Variants in OBSL1 observed in about 807,000 individuals in gnomAD.
The protein encoded by OBSL1 is obscurin like cytoskeletal adaptor 1.
In OBSL1, 160 loss-of-function variants were observed where a neutral mutation model predicts 172.0. That is an observed-to-expected ratio of 0.93 (90% CI 0.82 to 1.06). The LOEUF (loss-of-function observed/expected upper bound fraction) is 1.06. Among genes scored for constraint, OBSL1 ranks in the 50% least tolerant of loss-of-function variants. OBSL1 has a pLI of 0.00. For missense variants in OBSL1, 2,681 were observed against 2,715.4 expected, an observed-to-expected ratio of 0.99 and a Z score of 0.28; for synonymous variants, 1,200 against 1,196.3, an observed-to-expected ratio of 1.00 and a Z score of -0.06.
Position 219,557,600 on chromosome 2 carries a change from A to G in OBSL1, c.3809T>C (p.Val1270Ala). The change falls in exon 12 of 21, where the codon GTA (valine) becomes GCA (alanine). Residue 1270 changes from valine (V) to alanine (A), a missense_variant. Physicochemically the swap from Val to Ala is moderately conservative, Grantham distance 64. Coordinates refer to ENST00000404537, the MANE Select transcript of OBSL1 (RefSeq NM_015311.3). ...CCTCGTCTGGGCTGCCTCGGGAGCT[A>G]CCACCCGCACAGGGGGCTCTGTGGA... ...VQVAEPPVRV[V>A]APEAAQTRVR... The G allele has an allele frequency of 1.3e-6, 2 of 1,543,260 alleles. No individual in the cohort carries two copies. Among genetic ancestry groups the G allele is most frequent in the South Asian group, 1.2e-5 (1 of 83,740 alleles).
At chr2:219,547,976 C>A, downstream of OBSL1, 1 of 1,587,624 alleles carries the variant, frequency 6.3e-7, no homozygotes, top group African/African-American at 1.3e-5. Context: ...TGTGCCCCCA[C>A]TCTGCTGGCG....
chr2:219,553,796 A>T, intron 15 of OBSL1, 110 bp from the exon 16 acceptor site: 2 of 311,530 alleles, frequency 6.4e-6, no homozygotes, highest in Non-Finnish European at 1.2e-5. Flanking sequence ...GACACTAGCG[A>T]GTGGGGTTCG....
rs762334954 is a variant in OBSL1 at position 219,568,063 on chromosome 2, G to GT, written c.1273dup (p.Thr425AsnfsTer40). ...CCCACGGGCCAGCTGACCTTTGACTGTGACGTTGGCCACGGTGCGCACCCG... is the reference window on the plus strand; with the variant it reads ...CCCACGGGCCAGCTGACCTTTGACTGTTGACGTTGGCCACGGTGCGCACCCG... On this transcript the variant is annotated frameshift_variant, in exon 2 of 21. Coordinates refer to ENST00000404537, the MANE Select transcript of OBSL1 (RefSeq NM_015311.3). LOFTEE classifies it high-confidence loss of function. The surrounding 1 kb of genome is among the most constrained non-coding windows in gnomAD (Gnocchi z 4.1). 3.5e-4 allele frequency: 556 copies of GT among 1,609,670 alleles called. 1 individual carries two copies. Among genetic ancestry groups the GT allele is most frequent in the Non-Finnish European group, 4.4e-4 (514 of 1,176,414 alleles).
At position 219,557,590 on chromosome 2, in the gene OBSL1, C is replaced by T. The variant is rs751061367; in HGVS notation, c.3819G>A (p.Glu1273=). Residue 1273 remains glutamate, a synonymous_variant, in exon 12 of 21, where the codon GAG becomes GAA. Coordinates refer to ENST00000404537, the MANE Select transcript of OBSL1 (RefSeq NM_015311.3). ...TGCTCCGAACCCTCGTCTGGGCTGC[C>T]TCGGGAGCTACCACCCGCACAGGGG... is the stretch of plus-strand genomic sequence containing the variant. ...AEPPVRVVAP[E]AAQTRVRSTP... is the part of the protein sequence containing the mutation. 7.1e-6 allele frequency: 11 copies of T among 1,545,922 alleles called. No individual in the cohort carries two copies. The highest frequency in any genetic ancestry group is 1.7e-4 in the Middle Eastern group (1 of 5,942).
chr2:219,570,273 G>A lies in OBSL1; in HGVS notation c.960C>T (p.Ala320=). The change falls in exon 1 of 21, where the codon GCC becomes GCT. Residue 320 remains alanine, a synonymous_variant. Transcript: ENST00000404537. ...GCGTCTGGCCCGCCGAGTTGCGCGCGGCGCAGACGTAGAGCCCACGATCCT... is the reference window on the plus strand; with the variant it reads ...GCGTCTGGCCCGCCGAGTTGCGCGCAGCGCAGACGTAGAGCCCACGATCCT... ...QAKDRGLYVC[A]ARNSAGQTLS... is the part of the protein sequence containing the mutation. The A allele has an allele frequency of 6.2e-7, 1 of 1,601,224 alleles. No homozygotes were observed. The highest frequency in any genetic ancestry group is 2.2e-5 in the East Asian group (1 of 44,598).
chr2:219,568,348 A>C lies in OBSL1; in HGVS notation c.1013-24T>G. 6.3e-7 allele frequency: 1 copy of C among 1,583,206 alleles called. No individual in the cohort carries two copies. The highest frequency in any genetic ancestry group is 8.6e-7 in the Non-Finnish European group (1 of 1,163,892). On this transcript the variant is annotated intron_variant, in intron 1 of 20. Transcript: ENST00000404537. The surrounding 1 kb of genome is among the most constrained non-coding windows in gnomAD (Gnocchi z 4.1). ...CTCTGTGGAGAGGGGAGAGAGAGAC[A>C]AGAGAGGGCTCTGGAGAAGGCCCAG... is the stretch of plus-strand genomic sequence containing the variant.
rs1696090798 is a variant in OBSL1 at position 219,557,327 on chromosome 2, AG to A, written c.4066+15del. 1 of 1,468,980 alleles carries A rather than the reference AG, an allele frequency of 6.8e-7. No homozygotes were observed. The highest frequency in any genetic ancestry group is 9.0e-7 in the Non-Finnish European group (1 of 1,105,254). 91.0% of individuals were successfully genotyped at this position (1,468,980 alleles called of 1,614,324 possible). A position where few individuals can be genotyped will look rare whatever the true frequency, so the allele number is the denominator to read the frequency against. ...GGGGTGCCACAGCCCACAGGGTGTGAGGGGTACACTGTTACCTTCCACGCTG... is the reference window on the plus strand; with the variant it reads ...GGGGTGCCACAGCCCACAGGGTGTGAGGGTACACTGTTACCTTCCACGCTG... On this transcript the variant is annotated intron_variant, in intron 12 of 20. Transcript: ENST00000404537.
At chr2:219,559,664 G>A (rs1252080655) in intron 8 of OBSL1, 167 bp from the exon 9 acceptor site, 1 of 638,046 alleles carries the variant, frequency 1.6e-6, no homozygotes, top group Non-Finnish European at 2.6e-6. Context: ...CCTGGGGCCA[G>A]AGGGTGTTAC....
chr2:219,553,220 C>G (rs750902753), intron 16 of OBSL1, among the ~76,000 whole-genome samples, 196 bp from the exon 17 acceptor site: 1 of 152,212 alleles, frequency 6.6e-6, no homozygotes, highest in African/African-American at 2.4e-5. Context: ...AAAAGCGTCA[C>G]CCTTTGGGGA....
At chr2:219,556,993 C>T (rs1696061356) in intron 12 of OBSL1, 1 of 511,250 alleles carries the variant, frequency 2.0e-6, no homozygotes, top group East Asian at 3.0e-5. Context: ...ACAGCATTTA[C>T]TTGTCACAAC....
At position 219,570,773 on chromosome 2, in the gene OBSL1, G is replaced by C. The variant is rs1559160348; in HGVS notation, c.460C>G (p.Leu154Val). The stretch of plus-strand genomic sequence containing the variant: ...TCCCAGTACAGTGTGGGCTCGGGGA[G>C]GCCCCCCGCCCGGCACGTCAGCACC... Reference protein sequence around the residue: ...EVVLTCRAGGLPEPTLYWEKD... With the variant: ...EVVLTCRAGGVPEPTLYWEKD... The change falls in exon 1 of 21, where the codon CTC becomes GTC. Residue 154 changes from leucine to valine, a missense_variant. By Grantham distance (32) the Leu-to-Val change is conservative. Transcript: ENST00000404537. 1 of 1,490,978 alleles carries C rather than the reference G, an allele frequency of 6.7e-7. No homozygotes were observed. The highest frequency in any genetic ancestry group is 8.9e-7 in the Non-Finnish European group (1 of 1,127,464). The allele number at this position is 1,490,978 out of a possible 1,614,324, so 92.4% of individuals were successfully genotyped here.
At chr2:219,567,661 G>C in intron 3 of OBSL1, 57 bp downstream of exon 3, 1 of 1,589,508 alleles carries the variant, frequency 6.3e-7, no homozygotes, top group Non-Finnish European at 8.6e-7. Context: ...ACCCAGCTCC[G>C]GCATCTGGCC....
intron 7 of OBSL1, chr2:219,562,966 AG>A: frequency 2.0e-6 from 1 of 511,682 alleles, no homozygotes; most frequent in Non-Finnish European, 3.5e-6. Context: ...GACGGTATGA[AG>A]GGTGGAACTG....
At position 219,556,246 on chromosome 2, in the gene OBSL1, C is replaced by T. The variant is rs1017627198; in HGVS notation, c.4383G>A (p.Glu1461=). 3.8e-6 allele frequency: 6 copies of T among 1,599,840 alleles called. No individual in the cohort carries two copies. In the African/African-American group the frequency reaches 6.7e-5, roughly 18 times the overall value. Residue 1461 remains glutamate, a synonymous_variant, in exon 14 of 21, where the codon GAG becomes GAA. Transcript: ENST00000404537. ...FLRRLQDVRA[E]EGQDVCLEVE... ...CTTCGAGACACACATCCTGGCCTTC[C>T]TCTGCCCGCACATCCTGCAACCGCC...
intron 12 of OBSL1, 151 bp from the exon 13 acceptor site, chr2:219,556,874 G>C: frequency 2.4e-6 from 2 of 825,682 alleles, no homozygotes; most frequent in Non-Finnish European, 3.7e-6. Flanking sequence ...TGGCCCAAAG[G>C]ACAAGATGCC....
chr2:219,561,778 CAG>C, intron 8 of OBSL1: 1 of 683,484 alleles, frequency 1.5e-6, no homozygotes, highest in Non-Finnish European at 2.7e-6. Context: ...CAAATGCCCA[CAG>C]GGGCCAGGTT....
At position 219,565,295 on chromosome 2, in the gene OBSL1, T is replaced by C; in HGVS notation, c.2354A>G (p.Glu785Gly). 1.9e-6 allele frequency: 3 copies of C among 1,613,940 alleles called. No homozygotes were observed. The highest frequency in any genetic ancestry group is 1.7e-6 in the Non-Finnish European group (2 of 1,179,882). The change falls in exon 6 of 21, where the codon GAG (glutamate) becomes GGG (glycine). Residue 785 changes from glutamate to glycine, a missense_variant. Glu to Gly is a moderately conservative substitution (Grantham distance 98). Around this residue, in one of 5 missense-constraint regions of OBSL1, gnomAD observed 1,765 missense variants for 1,748.3 expected, o/e 1.01. Transcript: ENST00000404537. ...GACCCCTTCTGTCCTGCACTCAAACTCGCCACTGTCCTGGACTTTGGCCTC... is the reference window on the plus strand; with the variant it reads ...GACCCCTTCTGTCCTGCACTCAAACCCGCCACTGTCCTGGACTTTGGCCTC... ...LPEAKVQDSG[E>G]FECRTEGVSA... is the part of the protein sequence containing the mutation.
In OBSL1 at chr2:219,557,275, G is replaced by T; in HGVS notation, c.4066+68C>A. On this transcript the variant is annotated intron_variant, in intron 12 of 20. Coordinates refer to ENST00000404537, the MANE Select transcript of OBSL1 (RefSeq NM_015311.3). ...CAAAGCGGGGGTGGAGGAGTAAGGG[G>T]GCCCTAGAAAGTGGCAGATGGTCCT... 8 of 1,395,380 alleles carry T rather than the reference G, an allele frequency of 5.7e-6. No individual in the cohort carries two copies. The South Asian group carries it at 1.3e-4, about 22-fold the overall frequency. The allele number at this position is 1,395,380 out of a possible 1,614,324, so 86.4% of individuals were successfully genotyped here.
At position 219,567,455 on chromosome 2, in the gene OBSL1, C is replaced by A; in HGVS notation, c.1655G>T (p.Arg552Leu). The change falls in exon 4 of 21, where the codon CGG becomes CTG. Residue 552 changes from arginine to leucine, a missense_variant. Arg to Leu is a moderately radical substitution (Grantham distance 102). Transcript: ENST00000404537. ...AGAGCCCACTTCCTGCCGCTCCAGC[C>A]GGTAGATGAATGGGGTCTCGGGAGC... ...EPAPETPFIY[R>L]LERQEVGSED... is the part of the protein sequence containing the mutation. 1 of 1,613,618 alleles carries A rather than the reference C, an allele frequency of 6.2e-7. No homozygotes were observed. The highest frequency in any genetic ancestry group is 1.3e-5 in the African/African-American group (1 of 75,030).
Sources: allele counts gnomAD v4.1 joint callset (sites outside exome capture counted in the v4.1 genomes callset), GRCh38; gene constraint gnomAD v4.1.1; regional missense constraint gnomAD v4.1.1; non-coding constraint Gnocchi (gnomAD v3.1); transcripts MANE v1.5; gene names NCBI Gene and HGNC (gene_info 2026-07-23, HGNC 2026-07-21).